ZNF33B: variants seen among roughly 807,000 people sequenced by gnomAD.
ZNF33B encodes the protein zinc finger protein 11b (KOX 2).
ZNF33B carries 29 observed loss-of-function variants against 45.8 expected under a neutral mutation model. The observed-to-expected ratio is 0.63, with a 90% CI of 0.47 to 0.86. ZNF33B has a LOEUF of 0.86. Ranked by LOEUF, ZNF33B falls within the 40% of genes least tolerant of loss-of-function variation. ZNF33B has a pLI of 0.00. For missense variants in ZNF33B, 831 were observed against 909.9 expected, an observed-to-expected ratio of 0.91 and a Z score of 1.12; for synonymous variants, 305 against 307.8, an observed-to-expected ratio of 0.99 and a Z score of 0.10.
At chr10:42,632,848 C>T (rs906429246) in intron 2 of ZNF33B, 12 of 204,112 alleles carry the variant, frequency 5.9e-5, no homozygotes, top group African/African-American at 1.2e-4. Context: ...CACTCTATTA[C>T]GTCCTTCATA....
At position 42,593,724 on chromosome 10, in the gene ZNF33B, C is replaced by T. The variant is rs1172704494; in HGVS notation, c.1226G>A (p.Gly409Glu). Residue 409 changes from glycine (G) to glutamate (E), a missense_variant, in exon 5 of 5, where the codon GGG becomes GAG. Coordinates refer to ENST00000359467, the MANE Select transcript of ZNF33B (RefSeq NM_006955.3). The stretch of plus-strand genomic sequence containing the variant: ...TGCATTACACTGATAGGGTTTCTCC[C>T]CTGTATGTGTTCTCTGGTGTAATGT... ...ALTLHQRTHT[G>E]EKPYQCNACG... 3 of 1,613,520 alleles carry T rather than the reference C, an allele frequency of 1.9e-6. No individual in the cohort carries two copies. The highest frequency in any genetic ancestry group is 3.3e-5 in the Admixed American group (2 of 59,960).
intron 2 of ZNF33B, among the ~76,000 whole-genome samples, chr10:42,635,754 G>A (rs1411970907): frequency 6.7e-6 from 1 of 149,048 alleles, no homozygotes; most frequent in East Asian, 2.0e-4. Context: ...AGGTTGCAGT[G>A]AGCCGAGATT....
rs543258773 is a variant in ZNF33B, at chr10:42,597,580, C to A, written c.251-2881G>T. The stretch of plus-strand genomic sequence containing the variant: ...TATATAATTGAAAGTAACATGTATT[C>A]TTGGCAAATGCAAGATAAGTAATTT... On this transcript the variant is annotated intron_variant, in intron 4 of 4. Transcript: ENST00000359467. Among the ~76,000 whole-genome samples the A allele has an allele frequency of 7.2e-5, 11 of 152,058 alleles. No individual in the cohort carries two copies. The South Asian group carries it at 2.1e-3, about 29-fold the overall frequency.
chr10:42,619,127 CAA>C (rs75304231), intron 4 of ZNF33B, among the ~76,000 whole-genome samples: 16 of 132,038 alleles, frequency 1.2e-4, no homozygotes, highest in Admixed American at 2.3e-4. Context: ...ACAGAAACAC[CAA>C]AAAAAAAAAA....
rs202198665 is a variant in ZNF33B, at chr10:42,593,832, G to C, written c.1118C>G (p.Thr373Ser). The part of the protein sequence containing the change: ...GKTFWEKSNL[T>S]KHQRSHTGEK... The stretch of plus-strand genomic sequence containing the variant: ...CCCTGTGTGTGATCTCTGATGTTTA[G>C]TGAGGTTTGACTTCTCCCAGAAAGT... The change falls in exon 5 of 5, where the codon ACT (threonine) becomes AGT (serine). Residue 373 changes from threonine to serine, a missense_variant. Transcript: ENST00000359467. 1 of 1,614,094 alleles carries C rather than the reference G, an allele frequency of 6.2e-7. No homozygotes were observed. The highest frequency in any genetic ancestry group is 8.5e-7 in the Non-Finnish European group (1 of 1,179,980).
chr10:42,574,574 A>G (rs1448604141), exon 2 of ZNF33B: 2 of 149,838 alleles, frequency 1.3e-5, no homozygotes, highest in South Asian at 2.1e-4. Context: ...TCCATCCTTC[A>G]TATCTTCCAT....
chr10:42,603,139 C>G (rs1172111115), intron 4 of ZNF33B, among the ~76,000 whole-genome samples: 3 of 152,120 alleles, frequency 2.0e-5, no homozygotes, highest in Non-Finnish European at 4.4e-5. Context: ...GACTACTGCC[C>G]CAATCCAGAT....
chr10:42,594,737 CA>C, intron 4 of ZNF33B, 38 bp from the exon 5 acceptor site: 1 of 1,514,068 alleles, frequency 6.6e-7, no homozygotes, highest in South Asian at 1.4e-5. Context: ...ATATAAATAC[CA>C]AAACATCTCT....
chr10:42,611,772 C>G (rs1838105752), intron 4 of ZNF33B, among the ~76,000 whole-genome samples: 1 of 152,188 alleles, frequency 6.6e-6, no homozygotes, highest in Non-Finnish European at 1.5e-5. Context: ...AACACAACTA[C>G]ATAATGAAAA....
intron 1 of ZNF33B, among the ~76,000 whole-genome samples, chr10:42,575,896 ATT>A (rs541149231): frequency 7.0e-6 from 1 of 143,476 alleles, no homozygotes; most frequent in Non-Finnish European, 1.5e-5. Flanking sequence ...CGCCTGGCTA[ATT>A]TTTTTTTTTT....
At chr10:42,587,670 G>C (rs1333217178), downstream of ZNF33B, among the ~76,000 whole-genome samples, 1 of 152,182 alleles carries the variant, frequency 6.6e-6, no homozygotes, top group Non-Finnish European at 1.5e-5. Context: ...ATCAGGCCCC[G>C]TGATTCCAAA....
chr10:42,576,392 T>C (rs1450673854), intron 1 of ZNF33B, among the ~76,000 whole-genome samples: 1 of 152,240 alleles, frequency 6.6e-6, no homozygotes, highest in East Asian at 1.9e-4. Flanking sequence ...ATTGAAGCTC[T>C]ATGGATCTGT....
At chr10:42,586,558 A>G (rs879352078), downstream of ZNF33B, among the ~76,000 whole-genome samples, 1 of 152,188 alleles carries the variant, frequency 6.6e-6, no homozygotes, top group African/African-American at 2.4e-5. Flanking sequence ...CAACCTTCAG[A>G]TTAACTATTA....
intron 4 of ZNF33B, among the ~76,000 whole-genome samples, chr10:42,604,193 C>T (rs1255051520): frequency 6.6e-6 from 1 of 152,136 alleles, no homozygotes; most frequent in Non-Finnish European, 1.5e-5. Context: ...GCCTGTAATC[C>T]CAATACTTTG....
At chr10:42,605,187 C>T (rs1564508798) in intron 4 of ZNF33B, 1 of 147,710 alleles carries the variant, frequency 6.8e-6, no homozygotes, top group East Asian at 2.0e-4. Context: ...TACACTAAAA[C>T]TGGAACAATA....
rs776520033 is a variant in ZNF33B, at chr10:42,592,823, TGTGA to T, written c.2123_2126del (p.Leu708GlnfsTer64). 2 of 1,614,156 alleles carry T rather than the reference TGTGA, an allele frequency of 1.2e-6. No individual in the cohort carries two copies. Among genetic ancestry groups the T allele is most frequent in the Middle Eastern group, 1.7e-4 (1 of 6,060 alleles). On this transcript the variant is annotated frameshift_variant, in exon 5 of 5. Transcript: ENST00000359467. LOFTEE classifies it high-confidence loss of function. Reference sequence around the variant, plus strand: ...CTCCTGTGTGAGCCCTGTGATGTACTGTGAGTGATGATTTGTGACTGAAGGATTT... The same window carrying T: ...CTCCTGTGTGAGCCCTGTGATGTACTGTGATGATTTGTGACTGAAGGATTT...
At chr10:42,582,670 CT>C (rs1217999273) in intron 1 of ZNF33B, 1 of 157,482 alleles carries the variant, frequency 6.3e-6, no homozygotes, top group Non-Finnish European at 1.4e-5. Flanking sequence ...CAAATAGATA[CT>C]TAAAATTATG....
At position 42,602,968 on chromosome 10, in the gene ZNF33B, G is replaced by C. The variant is rs560508875; in HGVS notation, c.251-8269C>G. Reference sequence around the variant, plus strand: ...CCACCAGTGCTCCTCAACCCCCACAGCTTCAAATTCTAGGAAAGAACTGCC... The same window carrying C: ...CCACCAGTGCTCCTCAACCCCCACACCTTCAAATTCTAGGAAAGAACTGCC... On this transcript the variant is annotated intron_variant, in intron 4 of 4. Coordinates refer to ENST00000359467, the MANE Select transcript of ZNF33B (RefSeq NM_006955.3). Among the ~76,000 whole-genome samples, 22 of 152,238 alleles carry C rather than the reference G, an allele frequency of 1.4e-4. 1 individual carries two copies. Among genetic ancestry groups the C allele is most frequent in the Non-Finnish European group, 2.4e-4 (16 of 68,028 alleles).
Position 42,593,099 on chromosome 10 carries a change from G to C in ZNF33B, c.1851C>G (p.Thr617=), listed in dbSNP as rs374318458. 3.7e-6 allele frequency: 6 copies of C among 1,613,760 alleles called. No individual in the cohort carries two copies. The South Asian group carries it at 6.6e-5, about 18-fold the overall frequency. ...KPYECNECGK[T]FCQKSQLTQH... The stretch of plus-strand genomic sequence containing the variant: ...GAGTGAGTTGTGACTTCTGGCAGAA[G>C]GTTTTTCCACATTCATTACATTCAT... The change falls in exon 5 of 5, where the codon ACC becomes ACG. Residue 617 remains threonine (T), a synonymous_variant. Coordinates refer to ENST00000359467, the MANE Select transcript of ZNF33B (RefSeq NM_006955.3).
Sources: allele counts gnomAD v4.1 joint callset (sites outside exome capture counted in the v4.1 genomes callset), GRCh38; gene constraint gnomAD v4.1.1; transcripts MANE v1.5; gene names NCBI Gene and HGNC (gene_info 2026-07-23, HGNC 2026-07-21).